Variants in CBFB observed in about 807,000 individuals in gnomAD.
The protein encoded by CBFB is CBF-beta.
In CBFB, 9 loss-of-function variants were observed where a neutral mutation model predicts 30.4. The ratio of observed to expected loss-of-function variants is 0.30; its 90% CI spans 0.18 to 0.52. The LOEUF (loss-of-function observed/expected upper bound fraction) is 0.52, where lower values mean the gene tolerates loss of function less well. Ranked by LOEUF, CBFB falls within the 20% of genes least tolerant of loss-of-function variation. CBFB has a pLI of 0.97. For synonymous variants in CBFB, 94 were observed against 84.0 expected, an observed-to-expected ratio of 1.12 and a Z score of -0.65; for missense variants, 170 against 244.0, an observed-to-expected ratio of 0.70 and a Z score of 2.02.
rs564162682 is a variant in CBFB at position 67,045,161 on chromosome 16, TTTATTTTAG to T, written c.282+8423_282+8431del. On this transcript the variant is annotated intron_variant, in intron 3 of 5. Transcript: ENST00000412916. ...GCGTTTGTATTTTTAAAGAAAAGTT[TTTATTTTAG>T]TTATTTTAGTTATTTTTCAATCTAA... is the stretch of plus-strand genomic sequence containing the variant. Among the ~76,000 whole-genome samples the T allele has an allele frequency of 4.1e-3, 628 of 152,276 alleles. 3 individuals are homozygous for T. Among genetic ancestry groups the T allele is most frequent in the Non-Finnish European group, 6.8e-3 (464 of 68,024 alleles).
chr16:67,036,120 C>T (rs1283125687), intron 2 of CBFB, among the ~76,000 whole-genome samples: 1 of 152,164 alleles, frequency 6.6e-6, no homozygotes, highest in Non-Finnish European at 1.5e-5. Flanking sequence ...ACTGTCACAT[C>T]CCATGCCAAT....
At chr16:67,042,866 G>T (rs1413546342) in intron 3 of CBFB, among the ~76,000 whole-genome samples, 2 of 152,136 alleles carry the variant, frequency 1.3e-5, no homozygotes, top group Non-Finnish European at 2.9e-5. Context: ...CTCTCAAGTA[G>T]CTGGGATTAC....
intron 4 of CBFB, among the ~76,000 whole-genome samples, chr16:67,070,824 C>G (rs146231013): frequency 2.0e-5 from 3 of 152,290 alleles, no homozygotes; most frequent in African/African-American, 4.8e-5. Context: ...GCACTCCAGC[C>G]TGGGTGACAG....
intron 5 of CBFB, among the ~76,000 whole-genome samples, chr16:67,091,441 A>T (rs1034307219): frequency 3.9e-5 from 6 of 152,198 alleles, no homozygotes; most frequent in Non-Finnish European, 7.3e-5. Context: ...TTTGATCTTT[A>T]AATGCTCTTG....
intron 3 of CBFB, among the ~76,000 whole-genome samples, chr16:67,060,555 G>C (rs1960881493): frequency 6.6e-6 from 1 of 151,726 alleles, no homozygotes; most frequent in Non-Finnish European, 1.5e-5. Flanking sequence ...TTTTGTTTTT[G>C]TTTTTGTTTG....
chr16:67,080,770 C>A (rs772232287), intron 4 of CBFB, among the ~76,000 whole-genome samples: 1 of 152,108 alleles, frequency 6.6e-6, no homozygotes, highest in Admixed American at 6.5e-5. Context: ...TAGAGCATTT[C>A]TTTTCCCCAA....
chr16:67,036,830 A>G (rs769670185), intron 3 of CBFB, 75 bp downstream of exon 3: 12 of 858,400 alleles, frequency 1.4e-5, no homozygotes, highest in Non-Finnish European at 2.2e-5. Flanking sequence ...TTACATTTTA[A>G]TAAAGATCAC....
At position 67,029,373 on chromosome 16, in the gene CBFB, A is replaced by AGCGCGGCCGGCCG. The variant is rs751599981; in HGVS notation, c.-26_-14dup. 2 of 1,463,448 alleles carry AGCGCGGCCGGCCG rather than the reference A, an allele frequency of 1.4e-6. No individual in the cohort carries two copies. Among genetic ancestry groups the AGCGCGGCCGGCCG allele is most frequent in the Non-Finnish European group, 1.8e-6 (2 of 1,101,214 alleles). 90.7% of individuals were successfully genotyped at this position (1,463,448 alleles called of 1,614,324 possible). A position where few individuals can be genotyped will look rare whatever the true frequency, so the allele number is the denominator to read the frequency against. On this transcript the variant is annotated 5_prime_UTR_variant, in exon 1 of 6. Transcript: ENST00000412916. ...CCAGCGGGTGCCCGCGCAAGCCCCG[A>AGCGCGGCCGGCCG]GCGCGGCCGGCCGGCGCGGCCTCAG...
chr16:67,083,969 G>T (rs1262409283), intron 5 of CBFB, among the ~76,000 whole-genome samples: 1 of 151,744 alleles, frequency 6.6e-6, no homozygotes, highest in Non-Finnish European at 1.5e-5. Flanking sequence ...GGGAATTTTA[G>T]ACCATCTTGG....
At chr16:67,038,857 A>G (rs182090459) in intron 3 of CBFB, among the ~76,000 whole-genome samples, 9 of 152,282 alleles carry the variant, frequency 5.9e-5, no homozygotes, top group Admixed American at 6.5e-5. Flanking sequence ...AGTGTTACTG[A>G]AGTCTTCCGG....
chr16:67,092,497 A>G (rs1961914815), intron 5 of CBFB, among the ~76,000 whole-genome samples: 1 of 151,932 alleles, frequency 6.6e-6, no homozygotes, highest in South Asian at 2.1e-4. Context: ...TACTTGGGGG[A>G]AATTACTTAA....
At chr16:67,096,158 T>A (rs567311851) in intron 5 of CBFB, among the ~76,000 whole-genome samples, 11 of 151,752 alleles carry the variant, frequency 7.2e-5, no homozygotes, top group African/African-American at 2.4e-4. Context: ...AAAAATATTT[T>A]AAAATTAGCC....
rs367627781 is a variant in CBFB at position 67,068,461 on chromosome 16, A to G, written c.399+1663A>G. Among the ~76,000 whole-genome samples the G allele has an allele frequency of 1.2e-3, 183 of 152,330 alleles. 1 individual carries two copies. Among genetic ancestry groups the G allele is most frequent in the Admixed American group, 1.5e-3 (23 of 15,294 alleles). On this transcript the variant is annotated intron_variant, in intron 4 of 5. Transcript: ENST00000412916. ...ATGCCAGTGTACTGCAGCCTGGGCA[A>G]CAGAGTGAGATCCTTTCTCTAAAAA...
At chr16:67,067,832 C>G (rs978977888) in intron 4 of CBFB, among the ~76,000 whole-genome samples, 1 of 152,132 alleles carries the variant, frequency 6.6e-6, no homozygotes, top group Non-Finnish European at 1.5e-5. Context: ...CAGAAAGCAA[C>G]AAAATGGCAG....
intron 3 of CBFB, among the ~76,000 whole-genome samples, chr16:67,050,924 C>T (rs1196965609): frequency 3.3e-5 from 5 of 152,156 alleles, no homozygotes; most frequent in African/African-American, 7.2e-5. Flanking sequence ...AACTAATGGA[C>T]ACATTCCTTA....
intron 4 of CBFB, among the ~76,000 whole-genome samples, chr16:67,078,354 T>G (rs1281112291): frequency 2.0e-5 from 3 of 151,986 alleles, no homozygotes; most frequent in Non-Finnish European, 4.4e-5. Flanking sequence ...TCAAGACCAG[T>G]CTGGGCAACA....
intron 3 of CBFB, among the ~76,000 whole-genome samples, chr16:67,050,926 C>A (rs1260135196): frequency 2.0e-5 from 3 of 152,186 alleles, no homozygotes; most frequent in African/African-American, 4.8e-5. Flanking sequence ...CTAATGGACA[C>A]ATTCCTTATA....
intron 3 of CBFB, among the ~76,000 whole-genome samples, chr16:67,056,512 G>A (rs745536965): frequency 6.6e-6 from 1 of 151,942 alleles, no homozygotes; most frequent in Non-Finnish European, 1.5e-5. Context: ...ATGGCAAGTC[G>A]TGTGTGTGTG....
chr16:67,072,131 T>G (rs1288635964), intron 4 of CBFB, among the ~76,000 whole-genome samples: 1 of 152,250 alleles, frequency 6.6e-6, no homozygotes, highest in Admixed American at 6.5e-5. Flanking sequence ...ATATTACTTA[T>G]TGTAACTGTA....
Sources: allele counts gnomAD v4.1 joint callset (sites outside exome capture counted in the v4.1 genomes callset), GRCh38; gene constraint gnomAD v4.1.1; transcripts MANE v1.5; gene names NCBI Gene and HGNC (gene_info 2026-07-23, HGNC 2026-07-21).